Variants in SLC12A7 observed in about 807,000 individuals in gnomAD.
SLC12A7 encodes the protein solute carrier family 12 member 7.
SLC12A7 carries 100 observed loss-of-function variants against 120.6 expected under a neutral mutation model. The ratio of observed to expected loss-of-function variants is 0.83; its 90% CI spans 0.71 to 0.98. The LOEUF (loss-of-function observed/expected upper bound fraction) is 0.98, where lower values mean the gene tolerates loss of function less well. Among genes scored for constraint, SLC12A7 ranks in the 50% least tolerant of loss-of-function variants. The probability of loss-of-function intolerance (pLI) is 0.00; values close to 1 mark genes in which losing one functional copy is unlikely to be tolerated. For synonymous variants in SLC12A7, 760 were observed against 678.0 expected (o/e 1.12, Z -1.88); for missense variants, 1,373 against 1,548.1 (o/e 0.89, Z 1.90).
At chr5:1,096,264 G>C (rs1056076103) in intron 1 of SLC12A7, among the ~76,000 whole-genome samples, 1 of 152,176 alleles carries the variant, frequency 6.6e-6, no homozygotes. Context: ...GAGACCTGGG[G>C]CAGGGCAGGA....
At chr5:1,155,479 G>A in the SLC12A7 span, among the ~76,000 whole-genome samples, 2 of 151,688 alleles carry the variant, frequency 1.3e-5, no homozygotes, top group African/African-American at 4.8e-5. Context: ...CCCGGACAGG[G>A]CGGGATCCCC....
chr5:1,061,195 CGTGCGGG>C (rs1736206389), intron 20 of SLC12A7, among the ~76,000 whole-genome samples: 1 of 23,568 alleles, frequency 4.2e-5, no homozygotes, highest in African/African-American at 5.8e-5. Flanking sequence ...CCGCACCCGC[CGTGCGGG>C]ATCCCTGCGT....
chr5:1,057,366 G>A, intron 22 of SLC12A7, 105 bp downstream of exon 22: 1 of 1,218,692 alleles, frequency 8.2e-7, no homozygotes, highest in Non-Finnish European at 1.1e-6. Flanking sequence ...TGGCCTGCAG[G>A]GTTGCCCCGA....
intron 1 of SLC12A7, among the ~76,000 whole-genome samples, chr5:1,098,840 A>C (rs1007429303): frequency 6.9e-6 from 1 of 145,254 alleles, no homozygotes; most frequent in Non-Finnish European, 1.5e-5. Flanking sequence ...CCTGGCCTGG[A>C]CTTGGACATC....
At chr5:1,149,971 G>A in the SLC12A7 span, among the ~76,000 whole-genome samples, 35 of 151,970 alleles carry the variant, frequency 2.3e-4, no homozygotes, top group Admixed American at 4.6e-4. Context: ...TGGAGGTTGC[G>A]GTGAGCTGAG....
chr5:1,143,550 C>G, the SLC12A7 span, among the ~76,000 whole-genome samples: 1 of 152,220 alleles, frequency 6.6e-6, no homozygotes, highest in South Asian at 2.1e-4. Context: ...CCTCAAGGTC[C>G]TAGCTCCAGA....
rs573972499 is a variant in SLC12A7, at chr5:1,064,354, A to AG, written c.2438-103dup. ...GTGCAGGGGCGGGCACGGCGAGGCG[A>AG]GGGGGGTCCCCACAAAGCCCCCACC... On this transcript the variant is annotated intron_variant, in intron 18 of 23. Coordinates refer to ENST00000264930, the MANE Select transcript of SLC12A7 (RefSeq NM_006598.3). 9.9e-4 allele frequency: 1,363 copies of AG among 1,373,202 alleles called. 7 individuals carry two copies. In the African/African-American group the frequency reaches 0.016, roughly 16 times the overall value. The allele number at this position is 1,373,202 out of a possible 1,614,324, so 85.1% of individuals were successfully genotyped here.
intron 7 of SLC12A7, 36 bp downstream of exon 7, chr5:1,085,196 C>A: frequency 6.2e-7 from 1 of 1,606,506 alleles, no homozygotes. Context: ...GCCCCAGCCC[C>A]ACACCCACCC....
At chr5:1,079,682 G>C (rs1348557613) in intron 9 of SLC12A7, among the ~76,000 whole-genome samples, 186 bp from the exon 10 acceptor site, 1 of 152,182 alleles carries the variant, frequency 6.6e-6, no homozygotes. Context: ...GCGGGCCCAG[G>C]CACGCGGATG....
chr5:1,085,558 A>C, intron 6 of SLC12A7, 85 bp from the exon 7 acceptor site: 3 of 1,474,116 alleles, frequency 2.0e-6, no homozygotes, highest in Non-Finnish European at 2.7e-6. Context: ...AGCGCCACAC[A>C]GGGGCCTCCT....
the SLC12A7 span, among the ~76,000 whole-genome samples, chr5:1,149,012 C>T: frequency 1.3e-5 from 2 of 151,826 alleles, no homozygotes; most frequent in Non-Finnish European, 2.9e-5. Flanking sequence ...GTTCATCCAC[C>T]CACGGACAAC....
chr5:1,135,903 C>T, the SLC12A7 span, among the ~76,000 whole-genome samples: 9 of 152,200 alleles, frequency 5.9e-5, no homozygotes, highest in South Asian at 1.0e-3. Context: ...ACGCACTCCC[C>T]GTTTCCCTCA....
At chr5:1,058,474 C>T (rs1735856456) in intron 21 of SLC12A7, among the ~76,000 whole-genome samples, 1 of 152,250 alleles carries the variant, frequency 6.6e-6, no homozygotes, top group African/African-American at 2.4e-5. Flanking sequence ...GTGGCTGGAG[C>T]CCCGCCTGAG....
At chr5:1,131,992 T>C in the SLC12A7 span, among the ~76,000 whole-genome samples, 1 of 152,202 alleles carries the variant, frequency 6.6e-6, no homozygotes, top group Non-Finnish European at 1.5e-5. Flanking sequence ...CCTGCTGCGC[T>C]GCATTCCCAG....
rs771809169 is a variant in SLC12A7 at position 1,063,973 on chromosome 5, C to T, written c.2610G>A (p.Val870=). Reference sequence around the variant, plus strand: ...AGATACGCATCCGGCACTTCCTCCACACCTGCAGACAGGGAGGGCATGGCT... The same window carrying T: ...AGATACGCATCCGGCACTTCCTCCATACCTGCAGACAGGGAGGGCATGGCT... The part of the protein sequence containing the change: ...LLPFLLRQHK[V]WRKCRMRIFT... Residue 870 remains valine (V), a splice_region_variant and synonymous_variant, in exon 20 of 24, where the codon GTG becomes GTA. Transcript: ENST00000264930. The T allele has an allele frequency of 1.2e-6, 2 of 1,612,196 alleles. No individual in the cohort carries two copies. Among genetic ancestry groups the T allele is most frequent in the Non-Finnish European group, 1.7e-6 (2 of 1,179,586 alleles).
At chr5:1,055,962 A>T (rs927204416) in intron 22 of SLC12A7, among the ~76,000 whole-genome samples, 2 of 152,226 alleles carry the variant, frequency 1.3e-5, no homozygotes, top group African/African-American at 4.8e-5. Context: ...GGCACCAGGC[A>T]CTGCCTGCCC....
chr5:1,066,183 A>T (rs191377880), intron 17 of SLC12A7, among the ~76,000 whole-genome samples: 55 of 152,304 alleles, frequency 3.6e-4, no homozygotes, highest in Non-Finnish European at 8.8e-5. Flanking sequence ...GTGTGGTACC[A>T]GTGGCCCCTT....
At chr5:1,149,962 G>A in the SLC12A7 span, among the ~76,000 whole-genome samples, 1 of 152,186 alleles carries the variant, frequency 6.6e-6, no homozygotes, top group Non-Finnish European at 1.5e-5. Flanking sequence ...TCTGGGAGGT[G>A]GAGGTTGCGG....
At position 1,079,965 on chromosome 5, in the gene SLC12A7, C is replaced by T. The variant is rs73731154; in HGVS notation, c.1298-469G>A. On this transcript the variant is annotated intron_variant, in intron 9 of 23. Coordinates refer to ENST00000264930, the MANE Select transcript of SLC12A7 (RefSeq NM_006598.3). The stretch of plus-strand genomic sequence containing the variant: ...CCACCTTGCTCTAGGGAGCCACGGC[C>T]GGGGATGTTTCCACACAATCGGCTC... Among the ~76,000 whole-genome samples, 417 of 152,344 alleles carry T rather than the reference C, an allele frequency of 2.7e-3. 5 individuals are homozygous for T. The highest frequency in any genetic ancestry group is 9.6e-3 in the African/African-American group (398 of 41,574).
Sources: allele counts gnomAD v4.1 joint callset (sites outside exome capture counted in the v4.1 genomes callset), GRCh38; gene constraint gnomAD v4.1.1; transcripts MANE v1.5; gene names NCBI Gene and HGNC (gene_info 2026-07-23, HGNC 2026-07-21).